The following TECTA variants were observed in gnomAD, a reference collection of about 807,000 sequenced individuals.
The protein encoded by TECTA is tectorin alpha.
Under a neutral mutation model 216.8 loss-of-function variants are expected in TECTA, and 128 were observed. The ratio of observed to expected loss-of-function variants is 0.59; its 90% CI spans 0.51 to 0.68. The LOEUF (loss-of-function observed/expected upper bound fraction) is 0.68. Ranked by LOEUF, TECTA falls within the 30% of genes least tolerant of loss-of-function variation. The pLI is 0.00. For synonymous variants in TECTA, 1,089 were observed against 1,117.1 expected (o/e 0.97, Z 0.50); for missense variants, 2,551 against 2,786.2 (o/e 0.92, Z 1.90).
At chr11:121,155,101 G>A (rs571292745) in intron 13 of TECTA, among the ~76,000 whole-genome samples, 2 of 152,226 alleles carry the variant, frequency 1.3e-5, no homozygotes, top group East Asian at 3.9e-4. Flanking sequence ...AAAGTGCCTG[G>A]GGACTTGTTC....
intron 20 of TECTA, among the ~76,000 whole-genome samples, chr11:121,180,273 A>G (rs1947213386): frequency 6.6e-6 from 1 of 152,002 alleles, no homozygotes; most frequent in African/African-American, 2.4e-5. Context: ...TTCACTTCTA[A>G]ATGTAGGACA....
intron 20 of TECTA, among the ~76,000 whole-genome samples, chr11:121,178,150 C>T (rs1176742588): frequency 1.3e-5 from 2 of 152,236 alleles, no homozygotes; most frequent in African/African-American, 2.4e-5. Context: ...CAATGCCTCG[C>T]CCTGCTTCGG....
Position 121,152,912 on chromosome 11 carries a change from G to A in TECTA, c.4137G>A (p.Glu1379=), listed in dbSNP as rs755177324. ...CCTGCCCTCCAAACAGCCATTACGA[G>A]AGCTGCGTGAGTGTCTGCCAGCCCC... ...TVTCPPNSHY[E]SCVSVCQPRC... The change falls in exon 13 of 24, where the codon GAG becomes GAA. Residue 1379 remains glutamate, a synonymous_variant. Transcript: ENST00000392793. 1 of 1,607,532 alleles carries A rather than the reference G, an allele frequency of 6.2e-7. No individual in the cohort carries two copies. The highest frequency in any genetic ancestry group is 8.5e-7 in the Non-Finnish European group (1 of 1,174,756).
chr11:121,115,038 C>T (rs12282998), intron 6 of TECTA, among the ~76,000 whole-genome samples: 2,471 of 68,342 alleles, frequency 0.036, 239 homozygotes, highest in African/African-American at 0.2. Context: ...TCCGTCCACC[C>T]ATTCACCAAC....
intron 16 of TECTA, among the ~76,000 whole-genome samples, chr11:121,163,866 G>A (rs889737225): frequency 1.3e-5 from 2 of 152,136 alleles, no homozygotes; most frequent in Non-Finnish European, 2.9e-5. Flanking sequence ...CATAACTTTC[G>A]CTTGGTGGCT....
In TECTA at chr11:121,105,856, A is replaced by T. The variant is rs577470721; in HGVS notation, c.90A>T (p.Pro30=). 2.0e-4 allele frequency: 324 copies of T among 1,614,174 alleles called. 5 individuals carry two copies. The South Asian group carries it at 3.4e-3, about 17-fold the overall frequency. ...HQAQPRELMY[P]FWQNDTKTPK... ...CTCAGCCCAGGGAGCTCATGTATCC[A>T]TTTTGGCAGAATGACACCAAAACCC... is the stretch of plus-strand genomic sequence containing the variant. Residue 30 remains proline, a synonymous_variant, in exon 3 of 24, where the codon CCA becomes CCT. Transcript: ENST00000392793. The surrounding 1 kb of genome is among the most constrained non-coding windows in gnomAD (Gnocchi z 5.3).
At chr11:121,141,546 C>T (rs909399260) in intron 11 of TECTA, among the ~76,000 whole-genome samples, 2 of 152,142 alleles carry the variant, frequency 1.3e-5, no homozygotes, top group South Asian at 2.1e-4. Context: ...CTGGGGGCAC[C>T]GCCATAGCCC....
At position 121,190,817 on chromosome 11, in the gene TECTA, G is replaced by T. The variant is rs746105433; in HGVS notation, c.*11G>T. On this transcript the variant is annotated 3_prime_UTR_variant, in exon 24 of 24. Transcript: ENST00000392793. ...GGCACGACCTCATAATTAACTCAAGGTTGCTATATAAAGTACTGTAATTTA... is the reference window on the plus strand; with the variant it reads ...GGCACGACCTCATAATTAACTCAAGTTTGCTATATAAAGTACTGTAATTTA... The T allele has an allele frequency of 6.3e-7, 1 of 1,592,802 alleles. No individual in the cohort carries two copies. The highest frequency in any genetic ancestry group is 1.1e-5 in the South Asian group (1 of 90,374).
chr11:121,137,557 G>A lies in TECTA; in HGVS notation c.3078G>A (p.Leu1026=). 6.2e-7 allele frequency: 1 copy of A among 1,613,894 alleles called. No homozygotes were observed. The highest frequency in any genetic ancestry group is 8.5e-7 in the Non-Finnish European group (1 of 1,179,986). The change falls in exon 11 of 24, where the codon CTG becomes CTA. Residue 1026 remains leucine, a synonymous_variant. Transcript: ENST00000392793. ...GCQCDEGYAL[L]GSQCVTRSEC... ...AGTGTGATGAGGGCTATGCTCTACTGGGCAGCCAGTGTGTCACGCGGAGTG... is the reference window on the plus strand; with the variant it reads ...AGTGTGATGAGGGCTATGCTCTACTAGGCAGCCAGTGTGTCACGCGGAGTG...
chr11:121,165,948 G>A (rs972881929), intron 17 of TECTA, among the ~76,000 whole-genome samples: 20 of 152,226 alleles, frequency 1.3e-4, no homozygotes, highest in Admixed American at 1.2e-3. Context: ...CGCAGAGGCA[G>A]TTGCTAAATT....
At chr11:121,188,861 A>G (rs1356180123) in intron 21 of TECTA, among the ~76,000 whole-genome samples, 1 of 152,168 alleles carries the variant, frequency 6.6e-6, no homozygotes, top group African/African-American at 2.4e-5. Flanking sequence ...TAAAAAGGAA[A>G]ATTACTAATT....
intron 20 of TECTA, among the ~76,000 whole-genome samples, chr11:121,176,869 C>T (rs1300504001): frequency 6.6e-6 from 1 of 152,106 alleles, no homozygotes; most frequent in Non-Finnish European, 1.5e-5. Flanking sequence ...AGGCTTTGTT[C>T]ATTTCTTTTT....
At chr11:121,173,905 C>A (rs1211170119) in intron 20 of TECTA, among the ~76,000 whole-genome samples, 1 of 151,934 alleles carries the variant, frequency 6.6e-6, no homozygotes, top group African/African-American at 2.4e-5. Flanking sequence ...AGGTCCTTCA[C>A]GTCCCTTGTA....
intron 20 of TECTA, among the ~76,000 whole-genome samples, chr11:121,175,928 C>G (rs28895300): frequency 6.6e-6 from 1 of 151,958 alleles, no homozygotes; most frequent in Non-Finnish European, 1.5e-5. Context: ...GAATTGATCC[C>G]TTTACCATTA....
At chr11:121,116,600 G>T (rs1808972678) in intron 6 of TECTA, among the ~76,000 whole-genome samples, 1 of 152,200 alleles carries the variant, frequency 6.6e-6, no homozygotes. Flanking sequence ...TATATAGACT[G>T]CTATGCATTT....
intron 12 of TECTA, among the ~76,000 whole-genome samples, chr11:121,147,565 T>G (rs957103779): frequency 2.0e-5 from 3 of 152,040 alleles, no homozygotes; most frequent in African/African-American, 7.2e-5. Context: ...ATAAAAAAGC[T>G]CGGGTCTGGA....
intron 10 of TECTA, among the ~76,000 whole-genome samples, chr11:121,133,097 TTTGC>T (rs1260210455): frequency 2.0e-5 from 3 of 152,214 alleles, no homozygotes; most frequent in African/African-American, 4.8e-5. Flanking sequence ...TTTCCTCCTG[TTTGC>T]TTATTTTCTT....
At position 121,109,253 on chromosome 11, in the gene TECTA, C is replaced by T; in HGVS notation, c.241C>T (p.Gln81Ter). The T allele has an allele frequency of 6.2e-7, 1 of 1,614,152 alleles. No individual in the cohort carries two copies. Reference protein sequence around the residue: ...GVVSFNVLVSQFTPESFPLTD... With the variant: ...GVVSFNVLVS Reference sequence around the variant, plus strand: ...TGTTTCCTTCAATGTGCTAGTGAGCCAGTTCACGCCAGAATCCTTTCCCCT... The same window carrying T: ...TGTTTCCTTCAATGTGCTAGTGAGCTAGTTCACGCCAGAATCCTTTCCCCT... The change falls in exon 4 of 24, where the codon CAG becomes TAG. Residue 81 changes from glutamine (Q) to a stop codon, truncating the protein, a stop_gained. Coordinates refer to ENST00000392793, the MANE Select transcript of TECTA (RefSeq NM_005422.4). LOFTEE classifies it high-confidence loss of function.
At chr11:121,185,264 G>A (rs1038563146) in intron 20 of TECTA, among the ~76,000 whole-genome samples, 1 of 152,216 alleles carries the variant, frequency 6.6e-6, no homozygotes, top group Non-Finnish European at 1.5e-5. Flanking sequence ...GTGCATTTAG[G>A]GAAACCAGAT....
Sources: allele counts gnomAD v4.1 joint callset (sites outside exome capture counted in the v4.1 genomes callset), GRCh38; gene constraint gnomAD v4.1.1; non-coding constraint Gnocchi (gnomAD v3.1); transcripts MANE v1.5; gene names NCBI Gene and HGNC (gene_info 2026-07-23, HGNC 2026-07-21).